Variants in ALK observed in about 807,000 individuals in gnomAD.
ALK encodes ALK receptor tyrosine kinase.
Under a neutral mutation model 163.1 loss-of-function variants are expected in ALK, and 74 were observed. That is an observed-to-expected ratio of 0.45 (90% CI 0.38 to 0.55). The LOEUF (loss-of-function observed/expected upper bound fraction) is 0.55. Ranked by LOEUF, ALK falls within the 20% of genes least tolerant of loss-of-function variation. ALK has a pLI of 0.00. For missense variants in ALK, 2,063 were observed against 2,105.3 expected (o/e 0.98, Z 0.39); for synonymous variants, 960 against 843.2 (o/e 1.14, Z -2.40).
rs1558398955 is a variant in ALK, at chr2:29,591,095, A to AAAC, written c.953-58980_953-58979insGTT. 3.4e-5 allele frequency among the ~76,000 whole-genome samples: 5 copies of AAAC among 148,664 alleles called. 1 individual carries two copies. The highest frequency in any genetic ancestry group is 1.3e-4 in the Admixed American group (2 of 15,042). ...CAAAAAAAAAAAAAAAAAAAAAAAAAAAAAATCCCACTGCAGTGGCCCCTT... is the reference window on the plus strand; with the variant it reads ...CAAAAAAAAAAAAAAAAAAAAAAAAAAACAAAAATCCCACTGCAGTGGCCCCTT... On this transcript the variant is annotated intron_variant, in intron 3 of 28. Transcript: ENST00000389048.
chr2:29,414,919 G>C (rs1669829473), intron 4 of ALK, among the ~76,000 whole-genome samples: 1 of 139,618 alleles, frequency 7.2e-6, no homozygotes, highest in African/African-American at 2.7e-5. Flanking sequence ...CACAAGAAGG[G>C]AGGTTTATCA....
chr2:29,754,180 G>T (rs761688987), intron 1 of ALK, among the ~76,000 whole-genome samples: 1 of 152,162 alleles, frequency 6.6e-6, no homozygotes, highest in Non-Finnish European at 1.5e-5. Flanking sequence ...ACCTTTGCAG[G>T]ATGCTGCCAG....
chr2:29,519,983 T>C (rs1187080566), intron 4 of ALK, among the ~76,000 whole-genome samples: 2 of 152,044 alleles, frequency 1.3e-5, no homozygotes, highest in Non-Finnish European at 2.9e-5. Flanking sequence ...GGTTAAGTGG[T>C]GATGTAAAGA....
At chr2:29,538,858 C>T (rs771680829) in intron 3 of ALK, among the ~76,000 whole-genome samples, 32 of 152,202 alleles carry the variant, frequency 2.1e-4, no homozygotes, top group Non-Finnish European at 3.8e-4. Flanking sequence ...ATAACAATAT[C>T]TCTTTCATAA....
At chr2:29,271,777 T>TC (rs1665392803) in intron 11 of ALK, among the ~76,000 whole-genome samples, 1 of 152,096 alleles carries the variant, frequency 6.6e-6, no homozygotes, top group Non-Finnish European at 1.5e-5. Flanking sequence ...ATTGCTTTTA[T>TC]CCCCCCTTTG....
At chr2:29,735,402 T>C (rs1448255993) in intron 1 of ALK, among the ~76,000 whole-genome samples, 1 of 152,088 alleles carries the variant, frequency 6.6e-6, no homozygotes, top group East Asian at 1.9e-4. Context: ...AAATGCTATC[T>C]TAGTTGGAAA....
chr2:29,866,010 T>C (rs1572450548), intron 1 of ALK, among the ~76,000 whole-genome samples: 1 of 152,124 alleles, frequency 6.6e-6, no homozygotes, highest in Non-Finnish European at 1.5e-5. Context: ...TGAAGGGAGT[T>C]GATTCTTCAG....
Position 29,389,800 on chromosome 2 carries a change from T to A in ALK, c.1155-5941A>T, listed in dbSNP as rs995833019. On this transcript the variant is annotated intron_variant, in intron 4 of 28. Coordinates refer to ENST00000389048, the MANE Select transcript of ALK (RefSeq NM_004304.5). ...AGGAGAAATGCAAAGACTGGGGAAC[T>A]TTGGCGGTTGCATTATTACTACATA... Among the ~76,000 whole-genome samples, 6 of 152,184 alleles carry A rather than the reference T, an allele frequency of 3.9e-5. No homozygotes were observed. The East Asian group carries it at 1.2e-3, about 29-fold the overall frequency.
intron 5 of ALK, among the ~76,000 whole-genome samples, chr2:29,361,254 G>A (rs1322383546): frequency 1.3e-5 from 2 of 152,232 alleles, no homozygotes; most frequent in East Asian, 1.9e-4. Context: ...CAGGGTGGGA[G>A]AATTCATTTT....
intron 18 of ALK, 55 bp downstream of exon 18, chr2:29,226,867 T>A (rs1429024088): frequency 1.9e-6 from 3 of 1,608,230 alleles, no homozygotes; most frequent in Non-Finnish European, 2.6e-6. Flanking sequence ...TTTGTGGTCA[T>A]GGGCCAAATC....
chr2:29,793,386 A>G (rs1418001955), intron 1 of ALK, among the ~76,000 whole-genome samples: 1 of 152,150 alleles, frequency 6.6e-6, no homozygotes, highest in Non-Finnish European at 1.5e-5. Context: ...ACTGGAATCA[A>G]CTTCTTCCAA....
intron 3 of ALK, among the ~76,000 whole-genome samples, chr2:29,660,465 CT>C (rs1677315262): frequency 6.6e-6 from 1 of 152,112 alleles, no homozygotes; most frequent in South Asian, 2.1e-4. Flanking sequence ...AGGCCAGCCC[CT>C]GGATGCCAGT....
intron 3 of ALK, among the ~76,000 whole-genome samples, chr2:29,550,254 T>C (rs1229260896): frequency 6.6e-6 from 1 of 152,180 alleles, no homozygotes; most frequent in African/African-American, 2.4e-5. Context: ...ACTTTTTAGT[T>C]GAGAAAACTG....
At chr2:29,392,240 C>T (rs546864086) in intron 4 of ALK, among the ~76,000 whole-genome samples, 1 of 152,214 alleles carries the variant, frequency 6.6e-6, no homozygotes, top group East Asian at 1.9e-4. Flanking sequence ...TATCATCATC[C>T]TCATTTTATA....
chr2:29,796,262 C>G (rs1049005496), intron 1 of ALK, among the ~76,000 whole-genome samples: 1 of 152,196 alleles, frequency 6.6e-6, no homozygotes, highest in Non-Finnish European at 1.5e-5. Flanking sequence ...AGCACATTTA[C>G]TGTAGCCTGG....
chr2:29,411,578 C>A (rs1269212040), intron 4 of ALK, among the ~76,000 whole-genome samples: 2 of 152,186 alleles, frequency 1.3e-5, no homozygotes, highest in Non-Finnish European at 2.9e-5. Context: ...TCCCAAGTAG[C>A]TGGGAGATGT....
At chr2:29,796,196 C>T (rs781005344) in intron 1 of ALK, among the ~76,000 whole-genome samples, 6 of 152,122 alleles carry the variant, frequency 3.9e-5, no homozygotes, top group Non-Finnish European at 7.4e-5. Context: ...CTGGAACCAT[C>T]GGTAGATCTG....
chr2:29,720,839 G>C (rs1679399602), intron 1 of ALK, among the ~76,000 whole-genome samples: 2 of 152,140 alleles, frequency 1.3e-5, no homozygotes, highest in Non-Finnish European at 2.9e-5. Context: ...GCTAGAGAAA[G>C]CCTTGTCTTT....
Position 29,684,126 on chromosome 2 carries a change from A to G in ALK, c.952+10724T>C, listed in dbSNP as rs571977623. 4.3e-4 allele frequency among the ~76,000 whole-genome samples: 65 copies of G among 152,282 alleles called. 1 individual carries two copies. Among genetic ancestry groups the G allele is most frequent in the African/African-American group, 1.3e-3 (53 of 41,574 alleles). ...CTTTCTTTCAAATCCCTTCAAGCAT[A>G]AATTCAGAGTGGTTCATGACTTTTC... On this transcript the variant is annotated intron_variant, in intron 3 of 28. Transcript: ENST00000389048.
Sources: allele counts gnomAD v4.1 joint callset (sites outside exome capture counted in the v4.1 genomes callset), GRCh38; gene constraint gnomAD v4.1.1; transcripts MANE v1.5; gene names NCBI Gene and HGNC (gene_info 2026-07-23, HGNC 2026-07-21).